STXBP2: variants seen among roughly 807,000 people sequenced by gnomAD.
STXBP2 encodes the protein syntaxin binding protein 2.
STXBP2 carries 47 observed loss-of-function variants against 72.2 expected under a neutral mutation model. The observed-to-expected ratio is 0.65, with a 90% confidence interval of 0.51 to 0.83. The LOEUF is 0.83. Ranked by LOEUF, STXBP2 falls within the 40% of genes least tolerant of loss-of-function variation. STXBP2 has a pLI of 0.00. For missense variants in STXBP2, 702 were observed against 807.6 expected (o/e 0.87, Z 1.58); for synonymous variants, 367 against 338.7 (o/e 1.08, Z -0.92).
At chr19:7,643,410 T>C in intron 13 of STXBP2, 165 bp downstream of exon 13, 1 of 727,182 alleles carries the variant, frequency 1.4e-6, no homozygotes, top group Non-Finnish European at 2.3e-6. Flanking sequence ...GAGTGGGTCT[T>C]GTGGAGAAAC....
chr19:7,639,711 C>T lies in STXBP2; in HGVS notation c.170-20C>T. 1 of 1,611,582 alleles carries T rather than the reference C, an allele frequency of 6.2e-7. No individual in the cohort carries two copies. The highest frequency in any genetic ancestry group is 1.7e-5 in the Admixed American group (1 of 59,902). ...TGCCTGGATGCCACCCACCTGTGTCCCTTCCTCTGTTCCTACTAGTTGTTG... is the reference window on the plus strand; with the variant it reads ...TGCCTGGATGCCACCCACCTGTGTCTCTTCCTCTGTTCCTACTAGTTGTTG... On this transcript the variant is annotated intron_variant, in intron 3 of 18. Coordinates refer to ENST00000221283, the MANE Select transcript of STXBP2 (RefSeq NM_006949.4).
In STXBP2 at chr19:7,645,086, T is replaced by C. The variant is rs1052390513; in HGVS notation, c.1247-111T>C. 9 of 1,466,236 alleles carry C rather than the reference T, an allele frequency of 6.1e-6. No homozygotes were observed. The East Asian group carries it at 7.4e-5, about 12-fold the overall frequency. The allele number at this position is 1,466,236 out of a possible 1,614,324, so 90.8% of individuals were successfully genotyped here. A position where few individuals can be genotyped will look rare whatever the true frequency, so the allele number is the denominator to read the frequency against. On this transcript the variant is annotated intron_variant, in intron 14 of 18. Coordinates refer to ENST00000221283, the MANE Select transcript of STXBP2 (RefSeq NM_006949.4). ...CACAGGGTACTGAGGCCCTCCCCAC[T>C]GCAAGGTTCTCTCATCAGAGTCCTG...
Position 7,642,695 on chromosome 19 carries a change from C to G in STXBP2, c.903-71C>G, listed in dbSNP as rs376469090. The G allele has an allele frequency of 2.4e-4, 370 of 1,532,740 alleles. 1 individual carries two copies. In the African/African-American group the frequency reaches 3.9e-3, roughly 16 times the overall value. The allele number at this position is 1,532,740 out of a possible 1,614,324, so 94.9% of individuals were successfully genotyped here. On this transcript the variant is annotated intron_variant, in intron 10 of 18. Transcript: ENST00000221283. The surrounding 1 kb of genome is among the most constrained non-coding windows in gnomAD (Gnocchi z 6.0). ...TTTCACCCCACCTCTCCCTGTCCCC[C>G]CTGAGTGGGCTCACCCATGGCCTGT...
intron 4 of STXBP2, 98 bp downstream of exon 4, chr19:7,639,905 T>C (rs755361638): frequency 1.5e-6 from 2 of 1,326,614 alleles, no homozygotes; most frequent in Middle Eastern, 2.3e-4. Flanking sequence ...TGTGCATGTG[T>C]ATACGTGTGC....
At chr19:7,631,876 T>C in the STXBP2 span, 1 of 1,355,836 alleles carries the variant, frequency 7.4e-7, no homozygotes, top group South Asian at 2.3e-5. Context: ...TGGCGAACAA[T>C]GGAGAGAGGG....
chr19:7,633,601 T>C, upstream of STXBP2: 1 of 733,908 alleles, frequency 1.4e-6, no homozygotes, highest in Non-Finnish European at 2.3e-6. Flanking sequence ...CCACCCAAGC[T>C]TAAGCCCCAT....
At chr19:7,635,276 AAATGTTCTAAAATGGATTGTGGT>A (rs1194661244), upstream of STXBP2, among the ~76,000 whole-genome samples, 26 of 152,330 alleles carry the variant, frequency 1.7e-4, no homozygotes, top group African/African-American at 6.3e-4. Context: ...GGGGTTGTGG[AAATGTTCTAAAATGGATTGTGGT>A]AATGGACACA....
Position 7,647,711 on chromosome 19 carries a change from C to G in STXBP2, c.1697-14C>G. Reference sequence around the variant, plus strand: ...GCCCCCCAACATCTTCCCCAAACCTCTGCCCCTGCACAGGCTCCTCACACA... The same window carrying G: ...GCCCCCCAACATCTTCCCCAAACCTGTGCCCCTGCACAGGCTCCTCACACA... On this transcript the variant is annotated splice_polypyrimidine_tract_variant and intron_variant, in intron 18 of 18. Coordinates refer to ENST00000221283, the MANE Select transcript of STXBP2 (RefSeq NM_006949.4). The G allele has an allele frequency of 1.2e-6, 2 of 1,614,000 alleles. No homozygotes were observed. Among genetic ancestry groups the G allele is most frequent in the Admixed American group, 1.7e-5 (1 of 60,020 alleles).
At chr19:7,643,304 A>C in intron 13 of STXBP2, 59 bp downstream of exon 13, 3 of 1,084,110 alleles carry the variant, frequency 2.8e-6, no homozygotes, top group Non-Finnish European at 3.9e-6. Context: ...GGTATTGGGG[A>C]GGGGCTGAAC....
chr19:7,646,593 T>G, intron 16 of STXBP2: 1 of 578,144 alleles, frequency 1.7e-6, no homozygotes. Context: ...TATATCTCTC[T>G]AGTCTGTTCC....
At chr19:7,636,866 T>A (rs2031555062), upstream of STXBP2, 3 of 372,460 alleles carry the variant, frequency 8.1e-6, no homozygotes, top group African/African-American at 6.3e-5. Flanking sequence ...CGATCCTGCT[T>A]CGCACGCAAG....
At chr19:7,637,258 A>G (rs2146202885) in intron 1 of STXBP2, 72 bp downstream of exon 1, 1 of 1,203,630 alleles carries the variant, frequency 8.3e-7, no homozygotes, top group East Asian at 3.4e-5. Flanking sequence ...GGGCTCTGGG[A>G]TCCTGGGTTT....
upstream of STXBP2, chr19:7,633,467 C>G (rs367812520): frequency 9.5e-6 from 15 of 1,572,972 alleles, no homozygotes; most frequent in Non-Finnish European, 1.2e-5. Flanking sequence ...TGTCCCTGGA[C>G]TCCAGTCACT....
At chr19:7,636,994 C>T (rs916592166), upstream of STXBP2, 13 of 843,628 alleles carry the variant, frequency 1.5e-5, no homozygotes, top group South Asian at 8.0e-4. Context: ...AGGGACTCAA[C>T]TTCCTGGGCC....
At position 7,645,284 on chromosome 19, in the gene STXBP2, G is replaced by A; in HGVS notation, c.1334G>A (p.Gly445Glu). 2 of 1,587,040 alleles carry A rather than the reference G, an allele frequency of 1.3e-6. No individual in the cohort carries two copies. The highest frequency in any genetic ancestry group is 1.7e-6 in the Non-Finnish European group (2 of 1,165,690). Residue 445 changes from glycine (G) to glutamate (E), a missense_variant, in exon 15 of 19, where the codon GGA (glycine) becomes GAA (glutamate). By Grantham distance (98) the Gly-to-Glu change is moderately conservative (BLOSUM62 -2). Coordinates refer to ENST00000221283, the MANE Select transcript of STXBP2 (RefSeq NM_006949.4). ...CTCATCCGTAACCTGGAGCAGCTGG[G>A]AGGCACTGTCACCAACCCCGGGGTA... is the stretch of plus-strand genomic sequence containing the variant. ...SSLIRNLEQL[G>E]GTVTNPGGSG...
At chr19:7,645,167 G>T in intron 14 of STXBP2, 30 bp from the exon 15 acceptor site, 1 of 1,549,770 alleles carries the variant, frequency 6.5e-7, no homozygotes. Context: ...CCTGGCCGCC[G>T]CCTCCACCCT....
chr19:7,642,678 C>A lies in STXBP2; in HGVS notation c.903-88C>A. 6.7e-7 allele frequency: 1 copy of A among 1,486,598 alleles called. No individual in the cohort carries two copies. The highest frequency in any genetic ancestry group is 9.3e-7 in the Non-Finnish European group (1 of 1,071,628). The allele number at this position is 1,486,598 out of a possible 1,614,324, so 92.1% of individuals were successfully genotyped here. On this transcript the variant is annotated intron_variant, in intron 10 of 18. Coordinates refer to ENST00000221283, the MANE Select transcript of STXBP2 (RefSeq NM_006949.4). The surrounding 1 kb of genome is among the most constrained non-coding windows in gnomAD (Gnocchi z 6.0). ...TCCAGACTGGCCTCCAATTTCACCCCACCTCTCCCTGTCCCCCCTGAGTGG... is the reference window on the plus strand; with the variant it reads ...TCCAGACTGGCCTCCAATTTCACCCAACCTCTCCCTGTCCCCCCTGAGTGG...
At position 7,642,751 on chromosome 19, in the gene STXBP2, C is replaced by G. The variant is rs749966697; in HGVS notation, c.903-15C>G. 6.2e-7 allele frequency: 1 copy of G among 1,613,774 alleles called. No individual in the cohort carries two copies. The highest frequency in any genetic ancestry group is 1.3e-5 in the African/African-American group (1 of 75,038). On this transcript the variant is annotated splice_polypyrimidine_tract_variant and intron_variant, in intron 10 of 18. Transcript: ENST00000221283. The surrounding 1 kb of genome is among the most constrained non-coding windows in gnomAD (Gnocchi z 6.0). ...CTCTCCCCTCACTCTCACCCCCGCC[C>G]ACCCTCATGGCCAGGAAGGTCACGG...
At chr19:7,634,676 AT>A (rs201127410), upstream of STXBP2, among the ~76,000 whole-genome samples, 4,394 of 151,990 alleles carry the variant, frequency 0.029, 93 homozygotes, top group Non-Finnish European at 0.047. Flanking sequence ...AGCCTTTAAA[AT>A]TTTTTTTTAA....
Sources: allele counts gnomAD v4.1 joint callset (sites outside exome capture counted in the v4.1 genomes callset), GRCh38; gene constraint gnomAD v4.1.1; non-coding constraint Gnocchi (gnomAD v3.1); transcripts MANE v1.5; gene names NCBI Gene and HGNC (gene_info 2026-07-23, HGNC 2026-07-21).